Variants in LEPROT observed in about 807,000 individuals in gnomAD.
LEPROT encodes leptin receptor overlapping transcript.
In LEPROT, 3 loss-of-function variants were observed where a neutral mutation model predicts 15.4. The observed-to-expected ratio is 0.19, with a 90% confidence interval of 0.09 to 0.50. The LOEUF is 0.50. Ranked by LOEUF, LEPROT falls within the 20% of genes least tolerant of loss-of-function variation. The pLI is 0.97. For missense variants in LEPROT, 137 were observed against 162.2 expected (o/e 0.84, Z 0.84); for synonymous variants, 59 against 57.5 (o/e 1.03, Z -0.12).
At chr1:65,424,858 G>C (rs1158477051) in intron 1 of LEPROT, among the ~76,000 whole-genome samples, 1 of 152,102 alleles carries the variant, frequency 6.6e-6, no homozygotes, top group African/African-American at 2.4e-5. Flanking sequence ...GACCTCATCT[G>C]AACCTAATTA....
chr1:65,421,545 C>T (rs1646251105), intron 1 of LEPROT: 3 of 1,471,970 alleles, frequency 2.0e-6, no homozygotes, highest in African/African-American at 2.8e-5. Flanking sequence ...TTGAAATTTG[C>T]ACCCAAAGAT....
At chr1:65,425,401 A>T in intron 2 of LEPROT, 23 bp downstream of exon 2, 1 of 1,571,306 alleles carries the variant, frequency 6.4e-7, no homozygotes, top group Non-Finnish European at 8.6e-7. Flanking sequence ...TTCAAAAAGA[A>T]CTATTCCTCT....
rs201723526 is a variant in LEPROT, at chr1:65,432,067, AG to A, written c.*149del. On this transcript the variant is annotated 3_prime_UTR_variant, in exon 4 of 4. Coordinates refer to ENST00000371065, the MANE Select transcript of LEPROT (RefSeq NM_017526.5). Reference sequence around the variant, plus strand: ...TGTTCACTTTAAGAAAGACTTCATAAGTAGGAGATGAGTTTTATTCTCAGCA... The same window carrying A: ...TGTTCACTTTAAGAAAGACTTCATAATAGGAGATGAGTTTTATTCTCAGCA... The A allele has an allele frequency of 0.019, 25,777 of 1,358,578 alleles. 560 individuals carry two copies. Among genetic ancestry groups the A allele is most frequent in the South Asian group, 0.096 (5,184 of 53,908 alleles). The allele number at this position is 1,358,578 out of a possible 1,614,324, so 84.2% of individuals were successfully genotyped here.
intron 2 of LEPROT, among the ~76,000 whole-genome samples, chr1:65,426,083 G>A (rs1160578619): frequency 7.3e-6 from 1 of 136,802 alleles, no homozygotes; most frequent in Non-Finnish European, 1.5e-5. Flanking sequence ...AAGATGAAGA[G>A]CACAGAAGCT....
At chr1:65,427,851 G>T in intron 2 of LEPROT, 1 of 322,848 alleles carries the variant, frequency 3.1e-6, no homozygotes, top group Admixed American at 3.4e-5. Context: ...GTGTTGCTCA[G>T]GCTGGTCTTG....
At chr1:65,424,154 G>A (rs1646310782) in intron 1 of LEPROT, among the ~76,000 whole-genome samples, 1 of 151,154 alleles carries the variant, frequency 6.6e-6, no homozygotes, top group African/African-American at 2.5e-5. Flanking sequence ...TCACTCAGCA[G>A]CACAACAAGG....
chr1:65,426,728 A>AGTGG (rs1646380444), intron 2 of LEPROT, among the ~76,000 whole-genome samples: 2 of 152,162 alleles, frequency 1.3e-5, no homozygotes, highest in Non-Finnish European at 2.9e-5. Flanking sequence ...GCCAGGCACC[A>AGTGG]TGGCTCACGC....
Position 65,432,496 on chromosome 1 carries a change from A to C in LEPROT, c.*577A>C. On this transcript the variant is annotated 3_prime_UTR_variant, in exon 4 of 4. Transcript: ENST00000371065. Reference sequence around the variant, plus strand: ...GCATCATCATAGAGAAGTAAACATCACACCCAACTTCCTTATCTTTCCAGT... The same window carrying C: ...GCATCATCATAGAGAAGTAAACATCCCACCCAACTTCCTTATCTTTCCAGT... 6 of 609,080 alleles carry C rather than the reference A, an allele frequency of 9.9e-6. No homozygotes were observed. Among genetic ancestry groups the C allele is most frequent in the Non-Finnish European group, 1.2e-5 (6 of 486,424 alleles). The allele number at this position is 609,080 out of a possible 1,614,324, so 37.7% of individuals were successfully genotyped here.
intron 1 of LEPROT, 143 bp downstream of exon 1, chr1:65,420,883 C>A: frequency 9.3e-7 from 1 of 1,072,514 alleles, no homozygotes; most frequent in South Asian, 1.5e-5. Context: ...GGCGATCGAC[C>A]GCTCCCTTCG....
Position 65,434,444 on chromosome 1 carries a change from G to C in LEPROT, c.*2525G>C, listed in dbSNP as rs1199465010. ...ATCTTATGAAGGGATTCTTTATCATGTTTCAAACAAGTGGGTTACAAGCAG... is the reference window on the plus strand; with the variant it reads ...ATCTTATGAAGGGATTCTTTATCATCTTTCAAACAAGTGGGTTACAAGCAG... On this transcript the variant is annotated 3_prime_UTR_variant, in exon 4 of 4. Transcript: ENST00000371065. The C allele has an allele frequency of 3.0e-6, 3 of 985,204 alleles. No individual in the cohort carries two copies. Among genetic ancestry groups the C allele is most frequent in the Non-Finnish European group, 3.6e-6 (3 of 829,916 alleles). The allele number at this position is 985,204 out of a possible 1,614,324, so 61.0% of individuals were successfully genotyped here. A position where few individuals can be genotyped will look rare whatever the true frequency, so the allele number is the denominator to read the frequency against.
intron 1 of LEPROT, among the ~76,000 whole-genome samples, chr1:65,421,072 C>T (rs1646239454): frequency 6.6e-6 from 1 of 152,244 alleles, no homozygotes; most frequent in Non-Finnish European, 1.5e-5. Flanking sequence ...CTTGACGCCA[C>T]CCTAACGCCT....
chr1:65,422,664 C>A (rs1415581373), intron 1 of LEPROT, among the ~76,000 whole-genome samples: 2 of 152,188 alleles, frequency 1.3e-5, no homozygotes, highest in Non-Finnish European at 2.9e-5. Flanking sequence ...GGAGTATATC[C>A]CAAGTGGGGA....
At position 65,430,063 on chromosome 1, in the gene LEPROT, C is replaced by A. The variant is rs202230010; in HGVS notation, c.279+15C>A. On this transcript the variant is annotated intron_variant, in intron 3 of 3. Coordinates refer to ENST00000371065, the MANE Select transcript of LEPROT (RefSeq NM_017526.5). Reference sequence around the variant, plus strand: ...GTGTGGCTGTGGTAAGTTTTATTTTCTATTGTTTTGCCCAACCGTTGCTGA... The same window carrying A: ...GTGTGGCTGTGGTAAGTTTTATTTTATATTGTTTTGCCCAACCGTTGCTGA... The A allele has an allele frequency of 6.5e-7, 1 of 1,546,384 alleles. No homozygotes were observed. The highest frequency in any genetic ancestry group is 8.8e-7 in the Non-Finnish European group (1 of 1,132,686).
chr1:65,433,598 A>C lies in LEPROT; in HGVS notation c.*1679A>C. 2.0e-6 allele frequency: 2 copies of C among 985,392 alleles called. No homozygotes were observed. The highest frequency in any genetic ancestry group is 2.4e-6 in the Non-Finnish European group (2 of 829,912). 61.0% of individuals were successfully genotyped at this position (985,392 alleles called of 1,614,324 possible). ...TGGGACTGGAAAATAGAAAGTAATA[A>C]CTAAAGGGTTAATGTGCAACGTTAT... On this transcript the variant is annotated 3_prime_UTR_variant, in exon 4 of 4. Transcript: ENST00000371065.
rs1646535277 is a variant in LEPROT, at chr1:65,434,732, G to C, written c.*2813G>C. ...CACCTCCTAATGCCCTTGAGATCCA[G>C]GTACACTCCTGGGAGTTTTGTTCAC... On this transcript the variant is annotated 3_prime_UTR_variant, in exon 4 of 4. Transcript: ENST00000371065. 5 of 985,278 alleles carry C rather than the reference G, an allele frequency of 5.1e-6. No individual in the cohort carries two copies. In the South Asian group the frequency reaches 1.9e-4, roughly 37 times the overall value. 61.0% of individuals were successfully genotyped at this position (985,278 alleles called of 1,614,324 possible). A position where few individuals can be genotyped will look rare whatever the true frequency, so the allele number is the denominator to read the frequency against.
Position 65,435,254 on chromosome 1 carries a change from A to T in LEPROT, c.*3335A>T, listed in dbSNP as rs908442434. On this transcript the variant is annotated 3_prime_UTR_variant, in exon 4 of 4. Coordinates refer to ENST00000371065, the MANE Select transcript of LEPROT (RefSeq NM_017526.5). ...CTAAGGAAGTCCTTACCTCTGAGGT[A>T]TCTCCTCAATGAATACTGTTTTCAA... 1.3e-5 allele frequency: 13 copies of T among 983,712 alleles called. No homozygotes were observed. In the Admixed American group the frequency reaches 4.9e-4, roughly 37 times the overall value. The allele number at this position is 983,712 out of a possible 1,614,324, so 60.9% of individuals were successfully genotyped here.
rs1447288503 is a variant in LEPROT, at chr1:65,431,820, C to T, written c.297C>T (p.Cys99=). 10 of 1,613,196 alleles carry T rather than the reference C, an allele frequency of 6.2e-6. No individual in the cohort carries two copies. Among genetic ancestry groups the T allele is most frequent in the African/African-American group, 2.7e-5 (2 of 74,876 alleles). The stretch of plus-strand genomic sequence containing the variant: ...TCTTTCAGATCAAATGGGGAGCCTG[C>T]GGCCTTGTGTTGGCAGGCAATGCAG... The part of the protein sequence containing the change: ...ARVAVIKWGA[C]GLVLAGNAVI... Residue 99 remains cysteine (C), a synonymous_variant, in exon 4 of 4, where the codon TGC becomes TGT. Coordinates refer to ENST00000371065, the MANE Select transcript of LEPROT (RefSeq NM_017526.5).
Position 65,434,844 on chromosome 1 carries a change from A to G in LEPROT, c.*2925A>G, listed in dbSNP as rs781068379. Reference sequence around the variant, plus strand: ...CAGAGTCACCCACCCTTCTCCTCCCATTAGTCAGTTCTCTAAGTACAGCTG... The same window carrying G: ...CAGAGTCACCCACCCTTCTCCTCCCGTTAGTCAGTTCTCTAAGTACAGCTG... On this transcript the variant is annotated 3_prime_UTR_variant, in exon 4 of 4. Transcript: ENST00000371065. 8 of 985,236 alleles carry G rather than the reference A, an allele frequency of 8.1e-6. No individual in the cohort carries two copies. The highest frequency in any genetic ancestry group is 6.2e-5 in the Admixed American group (1 of 16,256). The allele number at this position is 985,236 out of a possible 1,614,324, so 61.0% of individuals were successfully genotyped here.
At chr1:65,422,921 T>C (rs1417381308) in intron 1 of LEPROT, among the ~76,000 whole-genome samples, 2 of 151,940 alleles carry the variant, frequency 1.3e-5, no homozygotes, top group Admixed American at 1.3e-4. Context: ...GTGTAGAGGA[T>C]GGATTGGAAG....
Sources: allele counts gnomAD v4.1 joint callset (sites outside exome capture counted in the v4.1 genomes callset), GRCh38; gene constraint gnomAD v4.1.1; transcripts MANE v1.5; gene names NCBI Gene and HGNC (gene_info 2026-07-23, HGNC 2026-07-21).